Variants in DGKI observed in about 807,000 individuals in gnomAD.
DGKI encodes diacylglycerol kinase iota.
A neutral mutation model predicts 147.5 loss-of-function variants in DGKI; 55 were observed. The ratio of observed to expected loss-of-function variants is 0.37; its 90% CI spans 0.30 to 0.47. The LOEUF (loss-of-function observed/expected upper bound fraction) is 0.47, where lower values mean the gene tolerates loss of function less well. Among genes scored for constraint, DGKI ranks in the 20% least tolerant of loss-of-function variants. DGKI has a pLI of 1.00. For synonymous variants in DGKI, 469 were observed against 477.1 expected (o/e 0.98, Z 0.22); for missense variants, 1,007 against 1,323.8 (o/e 0.76, Z 3.71).
chr7:137,684,960 C>G (rs997948835), intron 2 of DGKI, among the ~76,000 whole-genome samples: 8 of 152,162 alleles, frequency 5.3e-5, no homozygotes, highest in African/African-American at 1.9e-4. Context: ...TGCACACACA[C>G]AGCCCTGCCT....
chr7:137,532,712 C>CAG (rs1463081767), intron 20 of DGKI, among the ~76,000 whole-genome samples: 1 of 152,132 alleles, frequency 6.6e-6, no homozygotes, highest in Non-Finnish European at 1.5e-5. Flanking sequence ...CTAAACCTGA[C>CAG]CCTCCCGCTT....
chr7:137,645,893 C>T (rs1443156172), intron 5 of DGKI, among the ~76,000 whole-genome samples: 3 of 152,198 alleles, frequency 2.0e-5, no homozygotes, highest in African/African-American at 7.2e-5. Flanking sequence ...AATTAAGTTA[C>T]TTCTCCATCC....
In DGKI at chr7:137,384,574, G is replaced by A. The variant is rs529514521; in HGVS notation, c.*6646C>T. On this transcript the variant is annotated 3_prime_UTR_variant, in exon 33 of 33. Transcript: ENST00000614521. ...TTTGCTATATGAATCTGCACAGGCT[G>A]AATTCACTGCTCTGAGATTCAGTGC... is the stretch of plus-strand genomic sequence containing the variant. The A allele has an allele frequency of 2.0e-5, 3 of 152,134 alleles. No individual in the cohort carries two copies. The highest frequency in any genetic ancestry group is 2.0e-4 in the Admixed American group (3 of 15,268). 9.4% of individuals were successfully genotyped at this position (152,134 alleles called of 1,614,324 possible).
intron 21 of DGKI, among the ~76,000 whole-genome samples, chr7:137,492,515 C>G (rs1250394914): frequency 6.6e-6 from 1 of 152,100 alleles, no homozygotes; most frequent in African/African-American, 2.4e-5. Flanking sequence ...GTGAGTTGAG[C>G]AGGGAAGGAA....
In DGKI at chr7:137,846,454, G is replaced by A. The variant is rs141032469; in HGVS notation, c.401+8C>T. The A allele has an allele frequency of 9.5e-6, 15 of 1,580,022 alleles. No individual in the cohort carries two copies. The highest frequency in any genetic ancestry group is 1.2e-5 in the Non-Finnish European group (14 of 1,162,188). The stretch of plus-strand genomic sequence containing the variant: ...CACCTGTCTCGGCTGCCGGCTCCCC[G>A]CACCTACCTGTACGAGACCTGCTTC... On this transcript the variant is annotated splice_region_variant and intron_variant, in intron 1 of 32. Transcript: ENST00000614521. This position sits in a 1 kb window ranked among gnomAD's most constrained non-coding sequence, Gnocchi z 4.0.
intron 8 of DGKI, among the ~76,000 whole-genome samples, chr7:137,614,575 T>C (rs978945337): frequency 2.0e-5 from 3 of 152,210 alleles, no homozygotes; most frequent in Non-Finnish European, 4.4e-5. Flanking sequence ...TTTGGGGTTT[T>C]CATTTGAGTT....
intron 1 of DGKI, among the ~76,000 whole-genome samples, chr7:137,817,360 T>G (rs1797770725): frequency 6.6e-6 from 1 of 152,230 alleles, no homozygotes; most frequent in Non-Finnish European, 1.5e-5. Context: ...TTGAATGAAT[T>G]AACTACTTTG....
At chr7:137,582,589 C>T (rs992727191) in intron 14 of DGKI, among the ~76,000 whole-genome samples, 2 of 152,020 alleles carry the variant, frequency 1.3e-5, no homozygotes, top group African/African-American at 4.8e-5. Flanking sequence ...TTTAATCTAT[C>T]AACCCTTATA....
chr7:137,512,598 C>T (rs193025265), intron 21 of DGKI, among the ~76,000 whole-genome samples: 104 of 152,120 alleles, frequency 6.8e-4, no homozygotes, highest in African/African-American at 1.5e-3. Context: ...TAAAATAAAC[C>T]AATGAAAAGA....
chr7:137,577,219 T>C lies in DGKI; in HGVS notation c.1761+3A>G. On this transcript the variant is annotated splice_donor_region_variant and intron_variant, in intron 17 of 32. Transcript: ENST00000614521. ...TAAATAAATCAACATATTCAATACT[T>C]ACAACAACTTTAACATGTTTGGATA... The C allele has an allele frequency of 6.3e-7, 1 of 1,585,030 alleles. No homozygotes were observed. The highest frequency in any genetic ancestry group is 8.6e-7 in the Non-Finnish European group (1 of 1,159,496).
intron 20 of DGKI, among the ~76,000 whole-genome samples, chr7:137,529,578 A>G (rs1035481781): frequency 3.3e-5 from 5 of 152,226 alleles, no homozygotes; most frequent in African/African-American, 1.2e-4. Context: ...ATTGCAGAGC[A>G]GGTTAACAAG....
At chr7:137,542,862 G>A (rs368103577) in intron 20 of DGKI, among the ~76,000 whole-genome samples, 55 of 152,290 alleles carry the variant, frequency 3.6e-4, no homozygotes, top group Non-Finnish European at 3.2e-4. Context: ...ACATGGCTTC[G>A]TAATTCTGTC....
chr7:137,840,957 T>C (rs1298493647), intron 1 of DGKI, among the ~76,000 whole-genome samples: 8 of 152,270 alleles, frequency 5.3e-5, no homozygotes, highest in Admixed American at 5.2e-4. Flanking sequence ...TGTAGGGCAC[T>C]ATGCCATGTC....
intron 1 of DGKI, among the ~76,000 whole-genome samples, chr7:137,744,554 T>G (rs1795269818): frequency 6.6e-6 from 1 of 152,002 alleles, no homozygotes; most frequent in South Asian, 2.1e-4. Flanking sequence ...AAAACCAGTA[T>G]CATCCTGATA....
At chr7:137,442,620 G>C (rs1166926169) in intron 28 of DGKI, among the ~76,000 whole-genome samples, 2 of 152,164 alleles carry the variant, frequency 1.3e-5, no homozygotes, top group African/African-American at 4.8e-5. Context: ...TTACCATTAG[G>C]TGGTCAATTG....
intron 23 of DGKI, among the ~76,000 whole-genome samples, chr7:137,474,023 T>C (rs781753452): frequency 2.1e-4 from 32 of 152,200 alleles, no homozygotes; most frequent in Non-Finnish European, 3.8e-4. Context: ...TACATTTGCA[T>C]CCTCTTCCAA....
At chr7:137,565,182 T>A (rs1349572993) in intron 19 of DGKI, among the ~76,000 whole-genome samples, 1 of 152,168 alleles carries the variant, frequency 6.6e-6, no homozygotes, top group African/African-American at 2.4e-5. Context: ...AAAAGCTTCA[T>A]AAAGGAAACT....
intron 23 of DGKI, among the ~76,000 whole-genome samples, chr7:137,471,293 C>G (rs780374430): frequency 6.6e-6 from 1 of 152,030 alleles, no homozygotes; most frequent in Non-Finnish European, 1.5e-5. Context: ...CACTGGGGTG[C>G]GGCTGTGCAG....
In DGKI at chr7:137,572,837, C is replaced by T; in HGVS notation, c.1763G>A (p.Cys588Tyr). 1 of 1,606,516 alleles carries T rather than the reference C, an allele frequency of 6.2e-7. No individual in the cohort carries two copies. The highest frequency in any genetic ancestry group is 8.5e-7 in the Non-Finnish European group (1 of 1,177,498). ...CTTTGGGGTGAGATCTGTTCCATCA[C>T]ACTGAAACAATGAAAACAGAAAAGG... ...RDLSKHVKVV[C>Y]DGTDLTPKIQ... The change falls in exon 18 of 33, where the codon TGT (cysteine) becomes TAT (tyrosine). Residue 588 changes from cysteine (C) to tyrosine (Y), a missense_variant and splice_region_variant. Physicochemically the swap from Cys to Tyr is radical, Grantham distance 194. Transcript: ENST00000614521.
Sources: allele counts gnomAD v4.1 joint callset (sites outside exome capture counted in the v4.1 genomes callset), GRCh38; gene constraint gnomAD v4.1.1; non-coding constraint Gnocchi (gnomAD v3.1); transcripts MANE v1.5; gene names NCBI Gene and HGNC (gene_info 2026-07-23, HGNC 2026-07-21).